Variants in NT5C observed in about 807,000 individuals in gnomAD.
NT5C encodes 5', 3'-nucleotidase, cytosolic.
Under a neutral mutation model 17.6 loss-of-function variants are expected in NT5C, and 14 were observed. The ratio of observed to expected loss-of-function variants is 0.79; its 90% CI spans 0.52 to 1.24. The LOEUF is 1.24. Ranked by LOEUF, NT5C falls within the 50% of genes most tolerant of loss-of-function variation. The pLI is 0.00. For missense variants in NT5C, 328 were observed against 278.3 expected (o/e 1.18, Z -1.27); for synonymous variants, 153 against 119.2 (o/e 1.28, Z -1.85).
Position 75,131,514 on chromosome 17 carries a change from G to C in NT5C, c.174+20C>G. 1 of 1,418,568 alleles carries C rather than the reference G, an allele frequency of 7.0e-7. No homozygotes were observed. The highest frequency in any genetic ancestry group is 9.1e-7 in the Non-Finnish European group (1 of 1,093,590). The allele number at this position is 1,418,568 out of a possible 1,614,324, so 87.9% of individuals were successfully genotyped here. A position where few individuals can be genotyped will look rare whatever the true frequency, so the allele number is the denominator to read the frequency against. On this transcript the variant is annotated intron_variant, in intron 1 of 4. Transcript: ENST00000245552. The stretch of plus-strand genomic sequence containing the variant: ...CGGAGCGAGCGGGCCCTGCCCGGGT[G>C]GGGACCCTGCGCCCCCTACCGCCAG...
chr17:75,130,919 G>C (rs1191593214), intron 3 of NT5C, 52 bp from the exon 4 acceptor site: 2 of 1,613,040 alleles, frequency 1.2e-6, no homozygotes, highest in African/African-American at 2.7e-5. Context: ...CCGGAATTCA[G>C]GGATAGGGAC....
In NT5C at chr17:75,131,737, G is replaced by A. The variant is rs1477149134; in HGVS notation, c.-30C>T. On this transcript the variant is annotated 5_prime_UTR_variant, in exon 1 of 5. Transcript: ENST00000245552. ...GCCGGGCCGGAGCTGCGAGCTCTCG[G>A]GGTCTGGGGGGCGCGGGCTCGGCCG... is the stretch of plus-strand genomic sequence containing the variant. 2 of 1,258,128 alleles carry A rather than the reference G, an allele frequency of 1.6e-6. No individual in the cohort carries two copies. Among genetic ancestry groups the A allele is most frequent in the South Asian group, 3.0e-5 (1 of 33,182 alleles). 77.9% of individuals were successfully genotyped at this position (1,258,128 alleles called of 1,614,324 possible).
chr17:75,131,724 C>G lies in NT5C; in HGVS notation c.-17G>C. On this transcript the variant is annotated 5_prime_UTR_variant, in exon 1 of 5. Transcript: ENST00000245552. ...CCGCGCCATCGCCGCCGGGCCGGAG[C>G]TGCGAGCTCTCGGGGTCTGGGGGGC... The G allele has an allele frequency of 7.9e-7, 1 of 1,271,864 alleles. No individual in the cohort carries two copies. The highest frequency in any genetic ancestry group is 2.7e-5 in the South Asian group (1 of 36,860). The allele number at this position is 1,271,864 out of a possible 1,614,324, so 78.8% of individuals were successfully genotyped here.
chr17:75,130,515 G>C lies in NT5C; in HGVS notation c.579C>G (p.Ser193Arg), dbSNP rs267605046. The C allele has an allele frequency of 6.8e-6, 11 of 1,614,162 alleles. 1 individual carries two copies. Among genetic ancestry groups the C allele is most frequent in the African/African-American group, 1.3e-5 (1 of 75,074 alleles). Residue 193 changes from serine to arginine, a missense_variant, in exon 5 of 5, where the codon AGC (serine) becomes AGG (arginine). Coordinates refer to ENST00000245552, the MANE Select transcript of NT5C (RefSeq NM_014595.3). ...WSDNWREILD[S>R]KRGAAQRE ...ATTCCCGCTGCGCAGCTCCGCGCTT[G>C]CTATCTAAGATCTCCCTCCAGTTGT...
At chr17:75,131,139 A>AGGAGCCC (rs1434059487) in intron 2 of NT5C, 34 bp from the exon 3 acceptor site, 2 of 1,612,446 alleles carry the variant, frequency 1.2e-6, no homozygotes, top group East Asian at 2.2e-5. Flanking sequence ...GCCGGGAGCC[A>AGGAGCCC]GGAGCCCGCC....
chr17:75,131,301 G>A lies in NT5C; in HGVS notation c.175-20C>T. The A allele has an allele frequency of 6.2e-7, 1 of 1,610,754 alleles. No homozygotes were observed. Among genetic ancestry groups the A allele is most frequent in the Non-Finnish European group, 8.5e-7 (1 of 1,178,206 alleles). ...TTTATCCTGAAAGACAAGAGTTCTG[G>A]GTCCCGGCTTCCCGTTCCCGCGAGG... On this transcript the variant is annotated intron_variant, in intron 1 of 4. Coordinates refer to ENST00000245552, the MANE Select transcript of NT5C (RefSeq NM_014595.3).
chr17:75,130,354 C>T lies in NT5C; in HGVS notation c.*134G>A. The stretch of plus-strand genomic sequence containing the variant: ...CTGGGCCTGGGGCCCGGTAGCACAG[C>T]GCTTAACGGTATCTGCCTGCTCCAC... On this transcript the variant is annotated 3_prime_UTR_variant, in exon 5 of 5. Coordinates refer to ENST00000245552, the MANE Select transcript of NT5C (RefSeq NM_014595.3). 2 of 1,154,186 alleles carry T rather than the reference C, an allele frequency of 1.7e-6. No homozygotes were observed. Among genetic ancestry groups the T allele is most frequent in the Non-Finnish European group, 2.5e-6 (2 of 808,680 alleles). 71.5% of individuals were successfully genotyped at this position (1,154,186 alleles called of 1,614,324 possible). A position where few individuals can be genotyped will look rare whatever the true frequency, so the allele number is the denominator to read the frequency against.
chr17:75,130,501 G>C lies in NT5C; in HGVS notation c.593C>G (p.Ala198Gly), dbSNP rs373924876. 4 of 1,614,018 alleles carry C rather than the reference G, an allele frequency of 2.5e-6. No individual in the cohort carries two copies. The highest frequency in any genetic ancestry group is 3.4e-6 in the Non-Finnish European group (4 of 1,179,964). ...CGGCATCCCCGCTCATTCCCGCTGC[G>C]CAGCTCCGCGCTTGCTATCTAAGAT... is the stretch of plus-strand genomic sequence containing the variant. The part of the protein sequence containing the change: ...REILDSKRGA[A>G]QRE The change falls in exon 5 of 5, where the codon GCG becomes GGG. Residue 198 changes from alanine to glycine, a missense_variant. Transcript: ENST00000245552.
chr17:75,130,766 C>T lies in NT5C; in HGVS notation c.438G>A (p.Lys146=). Residue 146 remains lysine, a synonymous_variant, in exon 4 of 5, where the codon AAG becomes AAA. Coordinates refer to ENST00000245552, the MANE Select transcript of NT5C (RefSeq NM_014595.3). ...VVLGDLLIDD[K]DTVRGQEETP... is the part of the protein sequence containing the mutation. ...AACGGGTCCAACCTCGAACTGTGTC[C>T]TTGTCATCAATGAGCAGGTCCCCCA... 1 of 1,614,194 alleles carries T rather than the reference C, an allele frequency of 6.2e-7. No individual in the cohort carries two copies. Among genetic ancestry groups the T allele is most frequent in the Non-Finnish European group, 8.5e-7 (1 of 1,180,022 alleles).
chr17:75,131,549 C>T lies in NT5C; in HGVS notation c.159G>A (p.Leu53=), dbSNP rs1300350937. ...GFLAREQYRA[L]RPDLADKVAS... is the part of the protein sequence containing the mutation. ...CGCCCCCTACCGCCAGGTCGGGCCG[C>T]AGGGCGCGGTACTGCTCGCGGGCCA... The change falls in exon 1 of 5, where the codon CTG becomes CTA. Residue 53 remains leucine (L), a synonymous_variant. Transcript: ENST00000245552. The T allele has an allele frequency of 3.5e-6, 5 of 1,414,058 alleles. No homozygotes were observed. The South Asian group carries it at 6.1e-5, about 17-fold the overall frequency. The allele number at this position is 1,414,058 out of a possible 1,614,324, so 87.6% of individuals were successfully genotyped here. A position where few individuals can be genotyped will look rare whatever the true frequency, so the allele number is the denominator to read the frequency against.
At position 75,130,487 on chromosome 17, in the gene NT5C, C is replaced by A. The variant is rs755395128; in HGVS notation, c.*1G>T. On this transcript the variant is annotated 3_prime_UTR_variant, in exon 5 of 5. Coordinates refer to ENST00000245552, the MANE Select transcript of NT5C (RefSeq NM_014595.3). ...CCAGCTGCTGCCCGCGGCATCCCCG[C>A]TCATTCCCGCTGCGCAGCTCCGCGC... The A allele has an allele frequency of 6.3e-5, 101 of 1,613,134 alleles. No individual in the cohort carries two copies. The South Asian group carries it at 1.1e-3, about 17-fold the overall frequency.
rs2074095850 is a variant in NT5C at position 75,130,329 on chromosome 17, C to G, written c.*159G>C. The G allele has an allele frequency of 2.3e-6, 2 of 883,344 alleles. No homozygotes were observed. The highest frequency in any genetic ancestry group is 3.5e-6 in the Non-Finnish European group (2 of 577,068). 54.7% of individuals were successfully genotyped at this position (883,344 alleles called of 1,614,324 possible). A position where few individuals can be genotyped will look rare whatever the true frequency, so the allele number is the denominator to read the frequency against. On this transcript the variant is annotated 3_prime_UTR_variant, in exon 5 of 5. Transcript: ENST00000245552. ...CAGCCTCTCGGGAGGTACCGGGTGG[C>G]TGGGCCTGGGGCCCGGTAGCACAGC...
rs999083252 is a variant in NT5C at position 75,130,314 on chromosome 17, G to A, written c.*174C>T. ...GCCAGGGTCCAGGGACAGCCTCTCG[G>A]GAGGTACCGGGTGGCTGGGCCTGGG... On this transcript the variant is annotated 3_prime_UTR_variant, in exon 5 of 5. Transcript: ENST00000245552. 5.6e-5 allele frequency: 40 copies of A among 709,360 alleles called. No homozygotes were observed. Among genetic ancestry groups the A allele is most frequent in the Non-Finnish European group, 8.7e-5 (37 of 424,778 alleles). The allele number at this position is 709,360 out of a possible 1,614,324, so 43.9% of individuals were successfully genotyped here. A position where few individuals can be genotyped will look rare whatever the true frequency, so the allele number is the denominator to read the frequency against.
At chr17:75,130,895 G>C (rs1211953527) in intron 3 of NT5C, 28 bp from the exon 4 acceptor site, 3 of 1,613,560 alleles carry the variant, frequency 1.9e-6, no homozygotes, top group African/African-American at 2.7e-5. Context: ...TCTGTGAGTA[G>C]GGCCTGATGG....
rs781161123 is a variant in NT5C at position 75,130,434 on chromosome 17, C to G, written c.*54G>C. 5.6e-5 allele frequency: 90 copies of G among 1,601,230 alleles called. No homozygotes were observed. The highest frequency in any genetic ancestry group is 6.8e-5 in the Non-Finnish European group (80 of 1,173,476). On this transcript the variant is annotated 3_prime_UTR_variant, in exon 5 of 5. Transcript: ENST00000245552. ...CCGCCCCGACTCGGCTCTGCGGTGG[C>G]CCCTGTGGGCCTGCCCTTCCTTTAG... is the stretch of plus-strand genomic sequence containing the variant.
In NT5C at chr17:75,130,420, C is replaced by G. The variant is rs1418180044; in HGVS notation, c.*68G>C. On this transcript the variant is annotated 3_prime_UTR_variant, in exon 5 of 5. Transcript: ENST00000245552. Reference sequence around the variant, plus strand: ...GCACCAGCACGATGCCGCCCCGACTCGGCTCTGCGGTGGCCCCTGTGGGCC... The same window carrying G: ...GCACCAGCACGATGCCGCCCCGACTGGGCTCTGCGGTGGCCCCTGTGGGCC... The G allele has an allele frequency of 1.9e-6, 3 of 1,578,616 alleles. No homozygotes were observed. Among genetic ancestry groups the G allele is most frequent in the Non-Finnish European group, 2.6e-6 (3 of 1,158,058 alleles).
At chr17:75,131,350 C>T (rs2074121385) in intron 1 of NT5C, 69 bp from the exon 2 acceptor site, 3 of 1,534,940 alleles carry the variant, frequency 2.0e-6, no homozygotes, top group Admixed American at 3.8e-5. Flanking sequence ...CTCCTGGGGG[C>T]TCCGGGCCCG....
In NT5C at chr17:75,131,593, C is replaced by T; in HGVS notation, c.115G>A (p.Glu39Lys). The T allele has an allele frequency of 1.4e-6, 2 of 1,395,392 alleles. No individual in the cohort carries two copies. The highest frequency in any genetic ancestry group is 1.6e-5 in the South Asian group (1 of 63,566). The allele number at this position is 1,395,392 out of a possible 1,614,324, so 86.4% of individuals were successfully genotyped here. The stretch of plus-strand genomic sequence containing the variant: ...CGGGCCAGGAAGCCGCGGCGTTGCT[C>T]CAGCGGCACGTGCGGCTCCTCAGGG... ...RFPEEPHVPL[E>K]QRRGFLAREQ... The change falls in exon 1 of 5, where the codon GAG becomes AAG. Residue 39 changes from glutamate (E) to lysine (K), a missense_variant. Glu to Lys is a moderately conservative substitution (Grantham distance 56). Transcript: ENST00000245552.
In NT5C at chr17:75,131,651, C is replaced by G; in HGVS notation, c.57G>C (p.Glu19Asp). 3 of 1,356,548 alleles carry G rather than the reference C, an allele frequency of 2.2e-6. No homozygotes were observed. Among genetic ancestry groups the G allele is most frequent in the Non-Finnish European group, 1.9e-6 (2 of 1,059,326 alleles). 84.0% of individuals were successfully genotyped at this position (1,356,548 alleles called of 1,614,324 possible). Residue 19 changes from glutamate to aspartate, a missense_variant, in exon 1 of 5, where the codon GAG becomes GAC. Physicochemically the swap from Glu to Asp is conservative, Grantham distance 45. Transcript: ENST00000245552. ...VDMDGVLADF[E>D]AGLLRGFRRR... ...GGCGGAAGCCCCGCAGGAGGCCGGC[C>G]TCGAAGTCGGCCAGGACGCCGTCCA...
Sources: gnomAD v4.1 joint callset for allele counts on GRCh38, gnomAD v4.1.1 for gene constraint, MANE v1.5 for transcripts, NCBI Gene and HGNC (gene_info 2026-07-23, HGNC 2026-07-21) for gene names.